Variants in NLGN1 observed in about 807,000 individuals in gnomAD.
NLGN1 encodes neuroligin 1, also known as neuroligin-1.
Under a neutral mutation model 65.5 loss-of-function variants are expected in NLGN1, and 12 were observed. The ratio of observed to expected loss-of-function variants is 0.18; its 90% CI spans 0.12 to 0.30. NLGN1 has a LOEUF of 0.30. Among genes scored for constraint, NLGN1 ranks in the 10% least tolerant of loss-of-function variants. The pLI is 1.00. For missense variants in NLGN1, 750 were observed against 1,007.1 expected, an observed-to-expected ratio of 0.74 and a Z score of 3.46; for synonymous variants, 350 against 359.5, an observed-to-expected ratio of 0.97 and a Z score of 0.30.
At chr3:173,940,722 C>T (rs1408251025) in intron 4 of NLGN1, among the ~76,000 whole-genome samples, 1 of 152,120 alleles carries the variant, frequency 6.6e-6, no homozygotes, top group East Asian at 1.9e-4. Context: ...ATCCTGATTT[C>T]ATAAATTTGC....
chr3:173,886,531 G>GC (rs1734364382), intron 4 of NLGN1, among the ~76,000 whole-genome samples: 1 of 151,984 alleles, frequency 6.6e-6, no homozygotes, highest in African/African-American at 2.4e-5. Context: ...GGGGGCAAAT[G>GC]CAAGCATCTG....
intron 3 of NLGN1, among the ~76,000 whole-genome samples, chr3:173,722,650 C>T (rs1217135421): frequency 6.6e-6 from 1 of 152,138 alleles, no homozygotes; most frequent in Non-Finnish European, 1.5e-5. Flanking sequence ...CACATCAAAT[C>T]CAGAGTCTGT....
At chr3:173,545,018 A>C (rs1739532136) in intron 2 of NLGN1, among the ~76,000 whole-genome samples, 1 of 152,078 alleles carries the variant, frequency 6.6e-6, no homozygotes, top group Non-Finnish European at 1.5e-5. Context: ...TAAGGAGGTC[A>C]TTGATAACTC....
chr3:173,896,731 A>G (rs928888762), intron 4 of NLGN1, among the ~76,000 whole-genome samples: 5 of 152,122 alleles, frequency 3.3e-5, no homozygotes, highest in African/African-American at 4.8e-5. Context: ...GCTTCATTTT[A>G]AAGTGCCAGC....
intron 2 of NLGN1, among the ~76,000 whole-genome samples, chr3:173,550,962 A>G (rs1740757928): frequency 2.0e-5 from 3 of 152,242 alleles, no homozygotes; most frequent in African/African-American, 7.2e-5. Context: ...TTCTCCCTAT[A>G]CACATGACAG....
At chr3:174,081,681 C>T (rs974253457) in intron 4 of NLGN1, among the ~76,000 whole-genome samples, 7 of 150,028 alleles carry the variant, frequency 4.7e-5, no homozygotes, top group African/African-American at 1.7e-4. Flanking sequence ...AAGCGATTCT[C>T]CTGCCTCAGC....
At chr3:173,469,760 T>C (rs1725015318) in intron 2 of NLGN1, among the ~76,000 whole-genome samples, 1 of 152,020 alleles carries the variant, frequency 6.6e-6, no homozygotes, top group South Asian at 2.1e-4. Flanking sequence ...TTATTTCCCC[T>C]TCCTCCCAGA....
chr3:174,272,193 T>C (rs1749524335), intron 4 of NLGN1, among the ~76,000 whole-genome samples: 1 of 151,722 alleles, frequency 6.6e-6, no homozygotes, highest in Admixed American at 6.6e-5. Flanking sequence ...GTGAGGACTC[T>C]GCAAAATTGA....
intron 4 of NLGN1, among the ~76,000 whole-genome samples, chr3:173,831,399 G>A (rs1284490955): frequency 6.6e-6 from 1 of 152,118 alleles, no homozygotes; most frequent in African/African-American, 2.4e-5. Flanking sequence ...GGATGAGGAC[G>A]GTGCTACAAG....
chr3:173,870,596 A>G (rs572301690), intron 4 of NLGN1, among the ~76,000 whole-genome samples: 1 of 152,210 alleles, frequency 6.6e-6, no homozygotes, highest in East Asian at 1.9e-4. Flanking sequence ...CTCTGAATTT[A>G]AGAATGTATC....
At chr3:173,708,496 A>G (rs926846639) in intron 3 of NLGN1, among the ~76,000 whole-genome samples, 1 of 152,202 alleles carries the variant, frequency 6.6e-6, no homozygotes, top group African/African-American at 2.4e-5. Context: ...CTAGTAATGC[A>G]TTTGACTTTC....
At chr3:173,962,635 A>G (rs1713865827) in intron 4 of NLGN1, among the ~76,000 whole-genome samples, 1 of 152,174 alleles carries the variant, frequency 6.6e-6, no homozygotes, top group Admixed American at 6.5e-5. Context: ...CCAAAATTAA[A>G]GTTCTGAAAG....
chr3:173,705,652 T>A (rs1346188308), intron 3 of NLGN1, among the ~76,000 whole-genome samples: 1 of 152,140 alleles, frequency 6.6e-6, no homozygotes, highest in African/African-American at 2.4e-5. Context: ...CCTTAGCAGG[T>A]CGAAAGTTTT....
intron 3 of NLGN1, among the ~76,000 whole-genome samples, chr3:173,613,705 A>T (rs1752642431): frequency 6.6e-6 from 1 of 152,106 alleles, no homozygotes. Flanking sequence ...GTTAAGACCT[A>T]ATTCTTTGTT....
intron 4 of NLGN1, among the ~76,000 whole-genome samples, chr3:174,015,419 G>A (rs1726356780): frequency 6.6e-6 from 1 of 152,130 alleles, no homozygotes; most frequent in Non-Finnish European, 1.5e-5. Context: ...CCTCATGACA[G>A]AGAGTTAGAT....
At chr3:173,958,523 G>A (rs1712708316) in intron 4 of NLGN1, among the ~76,000 whole-genome samples, 2 of 152,140 alleles carry the variant, frequency 1.3e-5, no homozygotes, top group Admixed American at 1.3e-4. Context: ...CCACAGTGAG[G>A]TCATCCCATT....
chr3:173,668,884 A>G (rs1482958333), intron 3 of NLGN1, among the ~76,000 whole-genome samples: 1 of 152,076 alleles, frequency 6.6e-6, no homozygotes, highest in Non-Finnish European at 1.5e-5. Context: ...TCGGCCTCCC[A>G]AAGTGCTGGG....
chr3:173,770,385 C>T lies in NLGN1; in HGVS notation c.494-37295C>T, dbSNP rs6779246. 1.5e-4 allele frequency among the ~76,000 whole-genome samples: 23 copies of T among 151,944 alleles called. 1 individual carries two copies. The highest frequency in any genetic ancestry group is 1.5e-3 in the Admixed American group (23 of 15,262). ...GTTGGTTGATCTAAAGAGGAGAGTA[C>T]AAATGATACATCATAATTTCTGCCC... On this transcript the variant is annotated intron_variant, in intron 3 of 6. Transcript: ENST00000457714.
intron 2 of NLGN1, among the ~76,000 whole-genome samples, chr3:173,601,555 A>G (rs1220700958): frequency 6.6e-6 from 1 of 151,990 alleles, no homozygotes; most frequent in Admixed American, 6.6e-5. Flanking sequence ...TTTGAGATTT[A>G]TATATGTTGA....
Sources: allele counts gnomAD v4.1 joint callset (sites outside exome capture counted in the v4.1 genomes callset), GRCh38; gene constraint gnomAD v4.1.1; transcripts MANE v1.5; gene names NCBI Gene and HGNC (gene_info 2026-07-23, HGNC 2026-07-21).